The following SNCAIP variants were observed in gnomAD, a reference collection of about 807,000 sequenced individuals.
SNCAIP encodes the protein synphilin-1.
In SNCAIP, 43 loss-of-function variants were observed where a neutral mutation model predicts 86.7. That is an observed-to-expected ratio of 0.50 (90% CI 0.39 to 0.64). The LOEUF is 0.64. SNCAIP is among the 30% of genes least tolerant of loss of function. SNCAIP has a pLI of 0.00. For missense variants in SNCAIP, 981 were observed against 1,103.1 expected (o/e 0.89, Z 1.57); for synonymous variants, 417 against 427.2 (o/e 0.98, Z 0.29).
chr5:122,442,838 G>T (rs1781358572), intron 7 of SNCAIP, among the ~76,000 whole-genome samples: 1 of 152,062 alleles, frequency 6.6e-6, no homozygotes, highest in Non-Finnish European at 1.5e-5. Flanking sequence ...GATATTTTTG[G>T]CACTGGGTAC....
intron 4 of SNCAIP, among the ~76,000 whole-genome samples, chr5:122,424,879 G>C (rs1404961104): frequency 6.6e-6 from 1 of 152,208 alleles, no homozygotes; most frequent in Non-Finnish European, 1.5e-5. Context: ...GTACCTATGA[G>C]AGCACTAGTA....
chr5:122,318,965 TC>T (rs1752378702), intron 1 of SNCAIP, among the ~76,000 whole-genome samples: 1 of 133,736 alleles, frequency 7.5e-6, no homozygotes, highest in Non-Finnish European at 1.6e-5. Context: ...ACTGTTATCA[TC>T]TTTTTTTTTT....
At chr5:122,435,558 T>G (rs180726397) in intron 6 of SNCAIP, among the ~76,000 whole-genome samples, 125 of 152,320 alleles carry the variant, frequency 8.2e-4, no homozygotes, top group African/African-American at 2.6e-3. Context: ...GAGATTCTTC[T>G]ACGAAAACAA....
Position 122,391,025 on chromosome 5 carries a change from A to T in SNCAIP, c.-46-64A>T, listed in dbSNP as rs1029995759. On this transcript the variant is annotated intron_variant, in intron 1 of 10. Transcript: ENST00000261368. ...TCATCTTATTTGTTTAAATGTAGAC[A>T]TTATTTTTGGTTGTAAAACGGCTAA... is the stretch of plus-strand genomic sequence containing the variant. The T allele has an allele frequency of 2.3e-5, 19 of 826,668 alleles. No individual in the cohort carries two copies. The African/African-American group carries it at 2.9e-4, about 12-fold the overall frequency. The allele number at this position is 826,668 out of a possible 1,614,324, so 51.2% of individuals were successfully genotyped here.
intron 10 of SNCAIP, among the ~76,000 whole-genome samples, chr5:122,462,917 T>A (rs1183516637): frequency 6.6e-6 from 1 of 152,158 alleles, no homozygotes; most frequent in Admixed American, 6.5e-5. Flanking sequence ...AGGCTCGAGT[T>A]TGTACTCTTT....
intron 1 of SNCAIP, among the ~76,000 whole-genome samples, chr5:122,364,176 C>A (rs1020810779): frequency 6.6e-6 from 1 of 152,146 alleles, no homozygotes; most frequent in African/African-American, 2.4e-5. Context: ...ACCTGCTGGG[C>A]TTAGGAAGTT....
chr5:122,395,007 A>G (rs1226213379), intron 2 of SNCAIP, among the ~76,000 whole-genome samples: 1 of 152,186 alleles, frequency 6.6e-6, no homozygotes, highest in African/African-American at 2.4e-5. Context: ...ACTCCTCCCC[A>G]TCTATGCAAC....
intron 1 of SNCAIP, among the ~76,000 whole-genome samples, chr5:122,351,215 G>A (rs1284733368): frequency 6.6e-6 from 1 of 151,858 alleles, no homozygotes; most frequent in Admixed American, 6.6e-5. Context: ...ATTAATAGAT[G>A]TGCTTATTTG....
At chr5:122,364,944 A>C (rs910605337) in intron 1 of SNCAIP, among the ~76,000 whole-genome samples, 3 of 152,164 alleles carry the variant, frequency 2.0e-5, no homozygotes, top group African/African-American at 7.2e-5. Context: ...GCCTTTTTCC[A>C]GTGAAAGAAA....
chr5:122,358,166 TG>T (rs1761430694), intron 1 of SNCAIP, among the ~76,000 whole-genome samples: 1 of 55,536 alleles, frequency 1.8e-5, no homozygotes, highest in African/African-American at 7.5e-5. Context: ...TCTTTGTGTG[TG>T]TGTGTGTGTG....
intron 1 of SNCAIP, among the ~76,000 whole-genome samples, chr5:122,319,953 C>G (rs1752590037): frequency 6.6e-6 from 1 of 152,244 alleles, no homozygotes; most frequent in South Asian, 2.1e-4. Context: ...ACCACTACTT[C>G]ATGCTGCTTC....
chr5:122,456,081 G>T (rs1784673504), intron 10 of SNCAIP, among the ~76,000 whole-genome samples: 1 of 152,126 alleles, frequency 6.6e-6, no homozygotes, highest in Non-Finnish European at 1.5e-5. Flanking sequence ...GTTACTGATA[G>T]GCAAAAGGGC....
chr5:122,337,218 C>T (rs1756666207), intron 1 of SNCAIP, among the ~76,000 whole-genome samples: 1 of 151,998 alleles, frequency 6.6e-6, no homozygotes, highest in Non-Finnish European at 1.5e-5. Flanking sequence ...TTTCAATGAT[C>T]CTACGTAATA....
chr5:122,444,164 C>T (rs1379277402), intron 7 of SNCAIP: 1 of 460,964 alleles, frequency 2.2e-6, no homozygotes, highest in Admixed American at 2.3e-5. Context: ...GAGACCAAAT[C>T]CAGTTACTAG....
At chr5:122,333,575 C>T (rs988163090) in intron 1 of SNCAIP, among the ~76,000 whole-genome samples, 5 of 152,202 alleles carry the variant, frequency 3.3e-5, no homozygotes, top group African/African-American at 9.6e-5. Flanking sequence ...ACTTTGTTGG[C>T]GGAGACCGTA....
At chr5:122,399,778 T>C (rs1771391147) in intron 2 of SNCAIP, among the ~76,000 whole-genome samples, 1 of 152,144 alleles carries the variant, frequency 6.6e-6, no homozygotes. Flanking sequence ...AATGGACATA[T>C]GCCTAACATC....
Position 122,353,371 on chromosome 5 carries a change from C to T in SNCAIP, c.-46-37718C>T, listed in dbSNP as rs533932139. On this transcript the variant is annotated intron_variant, in intron 1 of 10. Transcript: ENST00000261368. ...TGGCTTTAATTTGTGAAAAATTCAT[C>T]GTTATATAATTATGATTTATATATT... is the stretch of plus-strand genomic sequence containing the variant. 5.4e-5 allele frequency among the ~76,000 whole-genome samples: 8 copies of T among 147,278 alleles called. No homozygotes were observed. The South Asian group carries it at 1.5e-3, about 28-fold the overall frequency.
chr5:122,444,690 C>G lies in SNCAIP; in HGVS notation c.1550C>G (p.Ser517Trp). 1 of 1,613,936 alleles carries G rather than the reference C, an allele frequency of 6.2e-7. No homozygotes were observed. Among genetic ancestry groups the G allele is most frequent in the Non-Finnish European group, 8.5e-7 (1 of 1,179,870 alleles). The change falls in exon 8 of 11, where the codon TCG becomes TGG. Residue 517 changes from serine to tryptophan, a missense_variant. Ser to Trp is a radical substitution (Grantham distance 177). Transcript: ENST00000261368. ...CTGGTGGTGGTGGAGACCTGCATGT[C>G]GCTGGCCTCTCAAGTGGTGAAGTTA... ...RYLVVVETCM[S>W]LASQVVKLTK...
chr5:122,379,781 G>A (rs1766256143), intron 1 of SNCAIP, among the ~76,000 whole-genome samples: 1 of 146,994 alleles, frequency 6.8e-6, no homozygotes, highest in African/African-American at 2.5e-5. Context: ...GGCTTTTTCT[G>A]CATCTATTGA....
Sources: gnomAD v4.1 joint callset for allele counts (sites outside exome capture counted in the v4.1 genomes callset) on GRCh38, gnomAD v4.1.1 for gene constraint, MANE v1.5 for transcripts, NCBI Gene and HGNC (gene_info 2026-07-23, HGNC 2026-07-21) for gene names.